Variants in DEUP1 observed in about 807,000 individuals in gnomAD.
DEUP1 encodes the protein deuterosome assembly protein 1.
DEUP1 carries 82 observed loss-of-function variants against 87.4 expected under a neutral mutation model. That is an observed-to-expected ratio of 0.94 (90% CI 0.78 to 1.13). The LOEUF (loss-of-function observed/expected upper bound fraction) is 1.13, where lower values mean the gene tolerates loss of function less well. DEUP1 is among the 50% of genes most tolerant of loss of function. DEUP1 has a pLI of 0.00. For synonymous variants in DEUP1, 214 were observed against 222.7 expected (o/e 0.96, Z 0.35); for missense variants, 663 against 681.5 (o/e 0.97, Z 0.30).
intron 7 of DEUP1, chr11:93,383,605 T>C: frequency 1.5e-6 from 1 of 672,272 alleles, no homozygotes; most frequent in Non-Finnish European, 2.7e-6. Context: ...AATGGGCGAA[T>C]TTATGGTATG....
At chr11:93,428,868 G>GCT (rs1948019169) in intron 13 of DEUP1, among the ~76,000 whole-genome samples, 1 of 152,052 alleles carries the variant, frequency 6.6e-6, no homozygotes, top group Non-Finnish European at 1.5e-5. Context: ...AGTTGTCCTT[G>GCT]CTCTACTGTC....
At chr11:93,390,869 G>C (rs1272600500) in intron 9 of DEUP1, among the ~76,000 whole-genome samples, 1 of 152,034 alleles carries the variant, frequency 6.6e-6, no homozygotes, top group Non-Finnish European at 1.5e-5. Flanking sequence ...AGATCACCAG[G>C]TCAGGAGTTT....
At chr11:93,434,230 G>A (rs2134515654) in intron 13 of DEUP1, among the ~76,000 whole-genome samples, 1 of 152,280 alleles carries the variant, frequency 6.6e-6, no homozygotes, top group Admixed American at 6.5e-5. Flanking sequence ...GAAAGTTAGT[G>A]AGATAAGCCA....
At chr11:93,413,501 C>CAA (rs1483565046) in intron 12 of DEUP1, among the ~76,000 whole-genome samples, 1 of 152,196 alleles carries the variant, frequency 6.6e-6, no homozygotes, top group African/African-American at 2.4e-5. Flanking sequence ...CTCAGCCTCT[C>CAA]AAAGTGCTGG....
At chr11:93,354,462 C>T (rs1050322802) in intron 2 of DEUP1, among the ~76,000 whole-genome samples, 8 of 152,126 alleles carry the variant, frequency 5.3e-5, no homozygotes, top group South Asian at 4.1e-4. Flanking sequence ...TTCCACATTT[C>T]GGTTATCTTT....
chr11:93,414,912 T>C, intron 12 of DEUP1, 88 bp from the exon 13 acceptor site: 1 of 653,406 alleles, frequency 1.5e-6, no homozygotes, highest in South Asian at 4.0e-5. Flanking sequence ...TTCCCCCTAC[T>C]TGGACATCTG....
intron 5 of DEUP1, among the ~76,000 whole-genome samples, chr11:93,369,348 C>T (rs890957172): frequency 6.6e-6 from 1 of 151,630 alleles, no homozygotes; most frequent in African/African-American, 2.4e-5. Flanking sequence ...TAAATAAGTC[C>T]AAGCCCCACC....
At position 93,415,039 on chromosome 11, in the gene DEUP1, T is replaced by C. The variant is rs1398133841; in HGVS notation, c.1563T>C (p.Pro521=). The C allele has an allele frequency of 1.9e-6, 3 of 1,602,104 alleles. No homozygotes were observed. Among genetic ancestry groups the C allele is most frequent in the African/African-American group, 2.7e-5 (2 of 73,986 alleles). Residue 521 remains proline, a synonymous_variant, in exon 13 of 14, where the codon CCT becomes CCC. Coordinates refer to ENST00000298050, the MANE Select transcript of DEUP1 (RefSeq NM_181645.4). ...GTGAGCCAAACAGAAGTACAATGCC[T>C]CCCTTGCCACCTTCGACATTTCAAG... ...HDCEPNRSTM[P]PLPPSTFQAK...
chr11:93,390,943 G>A (rs1399171070), intron 9 of DEUP1, among the ~76,000 whole-genome samples: 2 of 151,932 alleles, frequency 1.3e-5, no homozygotes, highest in Admixed American at 6.6e-5. Context: ...TTAGCTGGGC[G>A]CGGTGGCAGG....
At chr11:93,390,575 G>A (rs1946735998) in intron 9 of DEUP1, among the ~76,000 whole-genome samples, 1 of 152,012 alleles carries the variant, frequency 6.6e-6, no homozygotes, top group African/African-American at 2.4e-5. Context: ...ATAAAAGATT[G>A]GTTAAAGCCA....
At chr11:93,396,466 A>G in intron 11 of DEUP1, 141 bp downstream of exon 11, 2 of 569,426 alleles carry the variant, frequency 3.5e-6, no homozygotes, top group Non-Finnish European at 3.1e-6. Context: ...GCTTCAGTTG[A>G]GGTTACTTTT....
At chr11:93,396,166 C>T in intron 10 of DEUP1, 73 bp from the exon 11 acceptor site, 7 of 937,898 alleles carry the variant, frequency 7.5e-6, no homozygotes, top group Non-Finnish European at 1.1e-5. Context: ...TTTGTATTCA[C>T]AAGACAAAAT....
chr11:93,411,415 G>C (rs1947430948), intron 12 of DEUP1, among the ~76,000 whole-genome samples: 1 of 152,178 alleles, frequency 6.6e-6, no homozygotes. Flanking sequence ...ACTTTTAACT[G>C]AGGAAGACTT....
chr11:93,436,546 T>C (rs923262873), intron 13 of DEUP1, among the ~76,000 whole-genome samples: 10 of 152,224 alleles, frequency 6.6e-5, no homozygotes, highest in Admixed American at 4.6e-4. Flanking sequence ...CTAGTAGAGA[T>C]ACTATCCCTG....
intron 7 of DEUP1, among the ~76,000 whole-genome samples, chr11:93,383,121 TTAA>T (rs1434184681): frequency 3.3e-5 from 5 of 152,200 alleles, no homozygotes; most frequent in Admixed American, 6.5e-5. Context: ...TGTATAAGAA[TTAA>T]TAAATAAGAA....
chr11:93,409,089 G>T (rs770002442), intron 12 of DEUP1, among the ~76,000 whole-genome samples: 2 of 151,836 alleles, frequency 1.3e-5, no homozygotes, highest in Non-Finnish European at 2.9e-5. Flanking sequence ...ACTCCTGACC[G>T]CAAGTGATCC....
At chr11:93,354,964 C>T (rs145297984) in intron 2 of DEUP1, among the ~76,000 whole-genome samples, 1 of 152,160 alleles carries the variant, frequency 6.6e-6, no homozygotes, top group Non-Finnish European at 1.5e-5. Context: ...GAATCTCATC[C>T]TACCTAGCCC....
intron 5 of DEUP1, among the ~76,000 whole-genome samples, chr11:93,368,863 G>T (rs528668889): frequency 1.3e-5 from 2 of 152,204 alleles, no homozygotes; most frequent in South Asian, 4.2e-4. Flanking sequence ...TTGAACCTGG[G>T]AGGTAGAGGT....
At chr11:93,330,103 A>G (rs1015223770), upstream of DEUP1, 11 of 152,230 alleles carry the variant, frequency 7.2e-5, no homozygotes, top group Non-Finnish European at 1.6e-4. Flanking sequence ...GTACAAGCTG[A>G]TGCTGTTATC....
Sources: gnomAD v4.1 joint callset for allele counts (sites outside exome capture counted in the v4.1 genomes callset) on GRCh38, gnomAD v4.1.1 for gene constraint, MANE v1.5 for transcripts, NCBI Gene and HGNC (gene_info 2026-07-23, HGNC 2026-07-21) for gene names.